The following ARHGEF26 variants were observed in gnomAD, a reference collection of about 807,000 sequenced individuals.
ARHGEF26 encodes the protein Rho guanine nucleotide exchange factor (GEF) 26.
Under a neutral mutation model 89.4 loss-of-function variants are expected in ARHGEF26, and 59 were observed. That is an observed-to-expected ratio of 0.66 (90% CI 0.54 to 0.82). The LOEUF is 0.82. Among genes scored for constraint, ARHGEF26 ranks in the 40% least tolerant of loss-of-function variants. ARHGEF26 has a pLI of 0.00. For missense variants in ARHGEF26, 1,234 were observed against 1,085.6 expected, an observed-to-expected ratio of 1.14 and a Z score of -1.92; for synonymous variants, 500 against 428.4, an observed-to-expected ratio of 1.17 and a Z score of -2.06.
intron 9 of ARHGEF26, among the ~76,000 whole-genome samples, chr3:154,209,563 G>T (rs1715235524): frequency 6.6e-6 from 1 of 152,314 alleles, no homozygotes; most frequent in Middle Eastern, 3.4e-3. Flanking sequence ...GGATTACCAG[G>T]TAGAGACTCT....
intron 9 of ARHGEF26, among the ~76,000 whole-genome samples, chr3:154,217,510 CT>C (rs1003934435): frequency 1.3e-5 from 2 of 152,136 alleles, no homozygotes; most frequent in African/African-American, 4.8e-5. Flanking sequence ...ATGGTAGTTT[CT>C]TTTGCTGTGC....
intron 11 of ARHGEF26, among the ~76,000 whole-genome samples, chr3:154,237,524 A>G (rs1717187952): frequency 7.2e-6 from 1 of 138,700 alleles, no homozygotes; most frequent in African/African-American, 2.8e-5. Flanking sequence ...CCTGGGTGAC[A>G]GAGTGAGACT....
chr3:154,216,997 G>A (rs1187080654), intron 9 of ARHGEF26, among the ~76,000 whole-genome samples: 32 of 105,134 alleles, frequency 3.0e-4, no homozygotes, highest in East Asian at 1.2e-3. Context: ...ATAAACATAC[G>A]TGTACATGTG....
intron 9 of ARHGEF26, among the ~76,000 whole-genome samples, chr3:154,211,162 C>G (rs773348885): frequency 6.6e-6 from 1 of 152,044 alleles, no homozygotes; most frequent in Non-Finnish European, 1.5e-5. Context: ...GCTGGTGTCT[C>G]AGTATGTCAT....
In ARHGEF26 at chr3:154,256,575, ACCT is replaced by A; in HGVS notation, c.*1103_*1105del. ...AAAAAAAAAAAAAAAAAAAAAAAAA[ACCT>A]TCCCAAATGAGCTGATAAAAAACTG... On this transcript the variant is annotated 3_prime_UTR_variant, in exon 15 of 15. Transcript: ENST00000465093. 22 of 794,454 alleles carry A rather than the reference ACCT, an allele frequency of 2.8e-5. No individual in the cohort carries two copies. Among genetic ancestry groups the A allele is most frequent in the South Asian group, 1.9e-4 (3 of 16,140 alleles). 49.2% of individuals were successfully genotyped at this position (794,454 alleles called of 1,614,324 possible). A position where few individuals can be genotyped will look rare whatever the true frequency, so the allele number is the denominator to read the frequency against.
At chr3:154,207,731 C>A (rs1715113275) in intron 9 of ARHGEF26, among the ~76,000 whole-genome samples, 2 of 152,180 alleles carry the variant, frequency 1.3e-5, no homozygotes, top group Admixed American at 6.5e-5. Flanking sequence ...TTTGACACAG[C>A]AATCCTATTA....
intron 9 of ARHGEF26, among the ~76,000 whole-genome samples, chr3:154,198,128 A>T (rs988254197): frequency 6.6e-6 from 1 of 152,174 alleles, no homozygotes; most frequent in African/African-American, 2.4e-5. Flanking sequence ...ACAAACGTGA[A>T]AAAATGCTCA....
At chr3:154,255,284 C>A in intron 14 of ARHGEF26, 47 bp from the exon 15 acceptor site, 1 of 1,575,666 alleles carries the variant, frequency 6.3e-7, no homozygotes, top group Admixed American at 1.7e-5. Flanking sequence ...GAGCCTGGCA[C>A]ACTCCAAATA....
At position 154,216,519 on chromosome 3, in the gene ARHGEF26, T is replaced by TTA. The variant is rs1160577277; in HGVS notation, c.1846-1350_1846-1349insTA. 6.1e-3 allele frequency among the ~76,000 whole-genome samples: 874 copies of TTA among 143,314 alleles called. 11 individuals are homozygous for TTA. The highest frequency in any genetic ancestry group is 0.022 in the African/African-American group (843 of 38,844). 94.0% of individuals were successfully genotyped at this position (143,314 alleles called of 152,430 possible). A position where few individuals can be genotyped will look rare whatever the true frequency, so the allele number is the denominator to read the frequency against. On this transcript the variant is annotated intron_variant, in intron 9 of 14. Coordinates refer to ENST00000465093, the MANE Select transcript of ARHGEF26 (RefSeq NM_015595.4). ...TTTTTTTTATTTTTTATTTTTTTTT[T>TTA]ATGTCTATACAAAATATTTATTTTT...
chr3:154,185,489 T>C (rs539497959), intron 6 of ARHGEF26, among the ~76,000 whole-genome samples: 1 of 152,170 alleles, frequency 6.6e-6, no homozygotes, highest in East Asian at 1.9e-4. Context: ...CTTTATTATA[T>C]AGGGTACGAC....
chr3:154,121,167 C>T (rs985079462), upstream of ARHGEF26: 1 of 152,384 alleles, frequency 6.6e-6, no homozygotes. Flanking sequence ...CGCCTACACT[C>T]CCGTGCCGCC....
intron 6 of ARHGEF26, among the ~76,000 whole-genome samples, chr3:154,154,368 T>G: frequency 6.6e-6 from 1 of 152,064 alleles, no homozygotes; most frequent in Non-Finnish European, 1.5e-5. Context: ...GGTTTTAGGC[T>G]GTTTCAGTAG....
chr3:154,146,121 T>C (rs1719691548), intron 4 of ARHGEF26, among the ~76,000 whole-genome samples: 1 of 152,208 alleles, frequency 6.6e-6, no homozygotes, highest in African/African-American at 2.4e-5. Flanking sequence ...TCTCACAGTA[T>C]TGGAGGCGGG....
intron 11 of ARHGEF26, among the ~76,000 whole-genome samples, chr3:154,230,871 A>T (rs1017182936): frequency 6.6e-6 from 1 of 152,200 alleles, no homozygotes; most frequent in African/African-American, 2.4e-5. Flanking sequence ...CAAGGACTTA[A>T]GTTCAAATTT....
chr3:154,210,115 G>C (rs1715273206), intron 9 of ARHGEF26, among the ~76,000 whole-genome samples: 3 of 152,148 alleles, frequency 2.0e-5, no homozygotes, highest in Admixed American at 2.0e-4. Flanking sequence ...GGTGAATGCT[G>C]CCTGGCCTGG....
chr3:154,227,421 G>T (rs1335314000), intron 11 of ARHGEF26, among the ~76,000 whole-genome samples: 1 of 150,850 alleles, frequency 6.6e-6, no homozygotes, highest in African/African-American at 2.4e-5. Flanking sequence ...TCAGCCTCTC[G>T]CAGGCGCCCG....
intron 12 of ARHGEF26, among the ~76,000 whole-genome samples, chr3:154,248,375 G>A (rs1349995681): frequency 6.6e-6 from 1 of 152,074 alleles, no homozygotes; most frequent in Non-Finnish European, 1.5e-5. Flanking sequence ...ATTAACAACA[G>A]GAAGTACATG....
chr3:154,232,563 A>G (rs557583615), intron 11 of ARHGEF26, among the ~76,000 whole-genome samples: 111 of 152,200 alleles, frequency 7.3e-4, no homozygotes, highest in Non-Finnish European at 1.3e-3. Flanking sequence ...TGCAAAACAT[A>G]TAATTATCAG....
chr3:154,253,904 T>C (rs931478481), intron 13 of ARHGEF26, among the ~76,000 whole-genome samples: 1 of 152,182 alleles, frequency 6.6e-6, no homozygotes, highest in Non-Finnish European at 1.5e-5. Context: ...TCAAGCTTTG[T>C]ATTAAAAAGC....
Sources: allele counts gnomAD v4.1 joint callset (sites outside exome capture counted in the v4.1 genomes callset), GRCh38; gene constraint gnomAD v4.1.1; transcripts MANE v1.5; gene names NCBI Gene and HGNC (gene_info 2026-07-23, HGNC 2026-07-21).